SMIM14: variants seen among roughly 807,000 people sequenced by gnomAD.
SMIM14 encodes small integral membrane protein 14, also known as chromosome 4 open reading frame 34.
SMIM14 carries 5 observed loss-of-function variants against 12.6 expected under a neutral mutation model. That is an observed-to-expected ratio of 0.40 (90% CI 0.21 to 0.83). The LOEUF (loss-of-function observed/expected upper bound fraction) is 0.83. Ranked by LOEUF, SMIM14 falls within the 40% of genes least tolerant of loss-of-function variation. The pLI is 0.37. For missense variants in SMIM14, 86 were observed against 119.1 expected (o/e 0.72, Z 1.29); for synonymous variants, 30 against 40.1 (o/e 0.75, Z 0.95).
chr4:39,553,420 T>C (rs745537813), intron 4 of SMIM14, among the ~76,000 whole-genome samples: 3 of 151,880 alleles, frequency 2.0e-5, no homozygotes, highest in African/African-American at 4.8e-5. Flanking sequence ...GCTCCAAACA[T>C]TGAGGAATTT....
intron 2 of SMIM14, among the ~76,000 whole-genome samples, chr4:39,604,831 G>C (rs894350712): frequency 6.6e-6 from 1 of 151,962 alleles, no homozygotes; most frequent in African/African-American, 2.4e-5. Context: ...AACTGGTCTC[G>C]AACTCCTGAG....
At chr4:39,636,672 C>T (rs896121256) in intron 1 of SMIM14, among the ~76,000 whole-genome samples, 1 of 149,456 alleles carries the variant, frequency 6.7e-6, no homozygotes, top group African/African-American at 2.5e-5. Flanking sequence ...GAGATCTCGT[C>T]TCTATTAAAT....
chr4:39,619,900 T>C (rs1715417272), intron 1 of SMIM14, among the ~76,000 whole-genome samples: 1 of 139,276 alleles, frequency 7.2e-6, no homozygotes, highest in East Asian at 2.1e-4. Flanking sequence ...AAGAGCAAGA[T>C]AGGGACTCAC....
intron 2 of SMIM14, among the ~76,000 whole-genome samples, chr4:39,603,818 C>A (rs1578350272): frequency 6.6e-6 from 1 of 151,892 alleles, no homozygotes; most frequent in African/African-American, 2.4e-5. Flanking sequence ...TGAGACCAGC[C>A]TGACCAACAA....
At chr4:39,605,431 G>C (rs1350502830) in intron 1 of SMIM14, among the ~76,000 whole-genome samples, 1 of 151,982 alleles carries the variant, frequency 6.6e-6, no homozygotes, top group African/African-American at 2.4e-5. Flanking sequence ...GGCCCCACCT[G>C]TGATGCTGAA....
intron 2 of SMIM14, among the ~76,000 whole-genome samples, chr4:39,597,330 G>GTTAAATTACTTTAATAAATTA (rs1714411854): frequency 1.3e-5 from 2 of 151,932 alleles, no homozygotes; most frequent in Non-Finnish European, 2.9e-5. Context: ...ACTTTTCAAG[G>GTTAAATTACTTTAATAAATTA]AATTAAACTG....
intron 1 of SMIM14, among the ~76,000 whole-genome samples, chr4:39,628,552 G>A (rs550411184): frequency 9.3e-5 from 14 of 150,044 alleles, no homozygotes; most frequent in South Asian, 8.5e-4. Flanking sequence ...AGTGGCACAC[G>A]CGTAGTCCCA....
In SMIM14 at chr4:39,558,699, A is replaced by C. The variant is rs1211711165; in HGVS notation, c.125-2129T>G. ...AATTACTCAATCAGTTACAAGGAGG[A>C]GAGCAGTTTCTTTTTTTTGTTTGTT... On this transcript the variant is annotated intron_variant, in intron 3 of 4. Transcript: ENST00000295958. The surrounding 1 kb of genome is among the most constrained non-coding windows in gnomAD (Gnocchi z 4.3). Among the ~76,000 whole-genome samples, 2 of 152,156 alleles carry C rather than the reference A, an allele frequency of 1.3e-5. No homozygotes were observed. Among genetic ancestry groups the C allele is most frequent in the Non-Finnish European group, 2.9e-5 (2 of 68,020 alleles).
intron 1 of SMIM14, among the ~76,000 whole-genome samples, chr4:39,627,502 CAA>C (rs35632369): frequency 0.074 from 11,193 of 152,196 alleles, 501 homozygotes; most frequent in East Asian, 0.15. Context: ...ATCTATAAAA[CAA>C]GAGTGATAAT....
At chr4:39,591,576 G>T (rs970831091) in intron 2 of SMIM14, among the ~76,000 whole-genome samples, 4 of 150,814 alleles carry the variant, frequency 2.7e-5, no homozygotes, top group Non-Finnish European at 5.9e-5. Context: ...CTTTTTTTTT[G>T]AGACAGTCTC....
intron 3 of SMIM14, among the ~76,000 whole-genome samples, chr4:39,557,250 G>A (rs1170713725): frequency 6.6e-6 from 1 of 152,058 alleles, no homozygotes; most frequent in Non-Finnish European, 1.5e-5. Flanking sequence ...GACCTCAGGT[G>A]ATCCACCTGC....
rs191190323 is a variant in SMIM14 at position 39,628,401 on chromosome 4, G to A, written c.-36+10338C>T. Among the ~76,000 whole-genome samples, 64 of 151,812 alleles carry A rather than the reference G, an allele frequency of 4.2e-4. No individual in the cohort carries two copies. The East Asian group carries it at 0.011, about 25-fold the overall frequency. On this transcript the variant is annotated intron_variant, in intron 1 of 4. Transcript: ENST00000295958. ...TAAAATCAGGAAAATGTGACCAGGC[G>A]CGGTGGCTCACGCCTGTAATCCCAG...
intron 2 of SMIM14, among the ~76,000 whole-genome samples, chr4:39,584,496 A>AAAAAAAAAAAAAAAAAAAAAAAAAAAAAC (rs1713679710): frequency 7.1e-6 from 1 of 141,312 alleles, no homozygotes; most frequent in Non-Finnish European, 1.6e-5. Context: ...AAAAAAAAAA[A>AAAAAAAAAAAAAAAAAAAAAAAAAAAAAC]AAAAAAAAAG....
chr4:39,593,557 A>C (rs1405185066), intron 2 of SMIM14: 1 of 152,188 alleles, frequency 6.6e-6, no homozygotes, highest in Non-Finnish European at 1.5e-5. Flanking sequence ...TGGCCAGGGC[A>C]ATTAGGCAGG....
At position 39,605,105 on chromosome 4, in the gene SMIM14, G is replaced by A. The variant is rs1323944751; in HGVS notation, c.41C>T (p.Ser14Phe). The A allele has an allele frequency of 2.1e-5, 33 of 1,609,400 alleles. No homozygotes were observed. The highest frequency in any genetic ancestry group is 2.7e-5 in the Non-Finnish European group (32 of 1,178,696). ...CAGTCTTCTCATTGCATGTTCATGA[G>A]AGCAAACACATTCACAGGGATCAAA... ...GGFDPCECVC[S>F]HEHAMRRLIN... The change falls in exon 2 of 5, where the codon TCT (serine) becomes TTT (phenylalanine). Residue 14 changes from serine to phenylalanine, a missense_variant. Coordinates refer to ENST00000295958, the MANE Select transcript of SMIM14 (RefSeq NM_174921.3).
At chr4:39,564,432 C>T (rs1712470660) in intron 3 of SMIM14, among the ~76,000 whole-genome samples, 1 of 152,130 alleles carries the variant, frequency 6.6e-6, no homozygotes, top group South Asian at 2.1e-4. Context: ...TGACATCATG[C>T]TCAAAAGAAA....
intron 2 of SMIM14, among the ~76,000 whole-genome samples, chr4:39,591,767 T>C (rs910955984): frequency 2.0e-5 from 3 of 152,080 alleles, no homozygotes; most frequent in Non-Finnish European, 2.9e-5. Flanking sequence ...GGTTTCACCA[T>C]GTTGGCCAGG....
chr4:39,636,557 G>A (rs986180654), intron 1 of SMIM14, among the ~76,000 whole-genome samples: 1 of 152,150 alleles, frequency 6.6e-6, no homozygotes. Flanking sequence ...ACTCCAGTGG[G>A]CTGGACCTGG....
intron 1 of SMIM14, chr4:39,620,901 G>A (rs1715461910): frequency 6.6e-6 from 1 of 152,040 alleles, no homozygotes; most frequent in African/African-American, 2.4e-5. Context: ...AGAATTTTCT[G>A]AACAAATTCA....
Sources: gnomAD v4.1 joint callset for allele counts (sites outside exome capture counted in the v4.1 genomes callset) on GRCh38, gnomAD v4.1.1 for gene constraint, Gnocchi (gnomAD v3.1) non-coding constraint, MANE v1.5 for transcripts, NCBI Gene and HGNC (gene_info 2026-07-23, HGNC 2026-07-21) for gene names.